Variants in KANK4 observed in about 807,000 individuals in gnomAD.
KANK4 encodes KN motif and ankyrin repeat domain-containing protein 4.
KANK4 carries 50 observed loss-of-function variants against 80.8 expected under a neutral mutation model. The ratio of observed to expected loss-of-function variants is 0.62; its 90% CI spans 0.49 to 0.78. KANK4 has a LOEUF of 0.78. Ranked by LOEUF, KANK4 falls within the 30% of genes least tolerant of loss-of-function variation. The probability of loss-of-function intolerance (pLI) is 0.00; values close to 1 mark genes in which losing one functional copy is unlikely to be tolerated. For missense variants in KANK4, 1,196 were observed against 1,240.1 expected, an observed-to-expected ratio of 0.96 and a Z score of 0.53; for synonymous variants, 465 against 506.9, an observed-to-expected ratio of 0.92 and a Z score of 1.11.
At chr1:62,290,151 T>A (rs1291810593) in intron 1 of KANK4, among the ~76,000 whole-genome samples, 2 of 152,256 alleles carry the variant, frequency 1.3e-5, no homozygotes, top group African/African-American at 4.8e-5. Flanking sequence ...CAATTTTGTA[T>A]TCAAAATTCT....
At chr1:62,264,645 G>A (rs1438440777) in intron 6 of KANK4, among the ~76,000 whole-genome samples, 1 of 152,186 alleles carries the variant, frequency 6.6e-6, no homozygotes, top group Non-Finnish European at 1.5e-5. Flanking sequence ...CATGGGTGTG[G>A]TGCCGGGCTT....
In KANK4 at chr1:62,278,320, T is replaced by TCTTTCTTTCTTTCCTTCCTTCCTTC. The variant is rs1420040026; in HGVS notation, c.16+3228_16+3229insGAAGGAAGGAAGGAAAGAAAGAAAG. Among the ~76,000 whole-genome samples, 3 of 60,530 alleles carry TCTTTCTTTCTTTCCTTCCTTCCTTC rather than the reference T, an allele frequency of 5.0e-5. 1 individual carries two copies. The highest frequency in any genetic ancestry group is 1.7e-4 in the African/African-American group (3 of 18,098). The allele number at this position is 60,530 out of a possible 152,430, so 39.7% of individuals were successfully genotyped here. Reference sequence around the variant, plus strand: ...GGCATTTCCTGGGGCACATTTTCTTTCTTCCTTCCTTCCTTCCTTCCTTCC... The same window carrying TCTTTCTTTCTTTCCTTCCTTCCTTC: ...GGCATTTCCTGGGGCACATTTTCTTTCTTTCTTTCTTTCCTTCCTTCCTTCCTTCCTTCCTTCCTTCCTTCCTTCC... On this transcript the variant is annotated intron_variant, in intron 2 of 9. Transcript: ENST00000371153.
chr1:62,310,247 G>A (rs933962166), intron 1 of KANK4, among the ~76,000 whole-genome samples: 2 of 152,198 alleles, frequency 1.3e-5, no homozygotes, highest in Admixed American at 1.3e-4. Context: ...TCTCTGGTTC[G>A]CTCCTCAGTT....
At chr1:62,268,639 G>C (rs565117916) in intron 4 of KANK4, 134 bp from the exon 5 acceptor site, 4 of 703,748 alleles carry the variant, frequency 5.7e-6, no homozygotes, top group Middle Eastern at 2.9e-4. Context: ...TACACCTGCC[G>C]GCAGGGTGAC....
rs2666489 is a variant in KANK4, at chr1:62,286,444, A to G, written c.-70-4810T>C. On this transcript the variant is annotated intron_variant, in intron 1 of 9. Coordinates refer to ENST00000371153, the MANE Select transcript of KANK4 (RefSeq NM_181712.5). Reference sequence around the variant, plus strand: ...CAGAAACGAATTCACTGCTCAATAAACTAAGACTGGATCTTGCAGAAAGAG... The same window carrying G: ...CAGAAACGAATTCACTGCTCAATAAGCTAAGACTGGATCTTGCAGAAAGAG... Among the ~76,000 whole-genome samples, 1,466 of 152,322 alleles carry G rather than the reference A, an allele frequency of 9.6e-3. 20 individuals are homozygous for G. The highest frequency in any genetic ancestry group is 0.033 in the African/African-American group (1,374 of 41,566).
intron 7 of KANK4, among the ~76,000 whole-genome samples, chr1:62,257,998 A>G (rs928921402): frequency 1.3e-5 from 2 of 152,164 alleles, no homozygotes; most frequent in Non-Finnish European, 2.9e-5. Context: ...TGGATTCTTC[A>G]TGCACATAAT....
intron 1 of KANK4, among the ~76,000 whole-genome samples, chr1:62,314,853 A>G (rs1644527153): frequency 6.6e-6 from 1 of 152,226 alleles, no homozygotes; most frequent in Non-Finnish European, 1.5e-5. Context: ...TGGGCGAGAC[A>G]GTGAAGTGAT....
rs113899815 is a variant in KANK4 at position 62,294,926 on chromosome 1, T to A, written c.-70-13292A>T. ...GAAAGAGATGGGATTCCTTCAGTGT[T>A]CCATCCGGTAATACAAAGGAAGGTT... On this transcript the variant is annotated intron_variant, in intron 1 of 9. Coordinates refer to ENST00000371153, the MANE Select transcript of KANK4 (RefSeq NM_181712.5). Among the ~76,000 whole-genome samples, 56 of 152,352 alleles carry A rather than the reference T, an allele frequency of 3.7e-4. 1 individual carries two copies. The highest frequency in any genetic ancestry group is 1.3e-3 in the African/African-American group (56 of 41,580).
At chr1:62,285,747 T>C (rs1672549158) in intron 1 of KANK4, among the ~76,000 whole-genome samples, 1 of 151,434 alleles carries the variant, frequency 6.6e-6, no homozygotes, top group Admixed American at 6.6e-5. Context: ...TGCCAATCCC[T>C]GCATGATCCC....
intron 9 of KANK4, among the ~76,000 whole-genome samples, chr1:62,243,185 C>T (rs1198812765): frequency 6.6e-6 from 1 of 152,168 alleles, no homozygotes; most frequent in East Asian, 1.9e-4. Context: ...AGGCTTACAG[C>T]CTACCCGAAC....
chr1:62,271,481 C>G lies in KANK4; in HGVS notation c.2009G>C (p.Gly670Ala). The G allele has an allele frequency of 6.2e-7, 1 of 1,607,970 alleles. No homozygotes were observed. Reference sequence around the variant, plus strand: ...GAGCTTCACAAGCGATGCTTACCCACCGTTAACCCCAACAAACTGAAGGTT... The same window carrying G: ...GAGCTTCACAAGCGATGCTTACCCAGCGTTAACCCCAACAAACTGAAGGTT... ...KKNLQFVGVN[G>A]GYETTSSEET... The change falls in exon 4 of 10, where the codon GGT becomes GCT. Residue 670 changes from glycine (G) to alanine (A), a missense_variant. By Grantham distance (60) the Gly-to-Ala change is moderately conservative (BLOSUM62 0). Transcript: ENST00000371153.
chr1:62,256,794 C>A (rs1184471053), intron 7 of KANK4, among the ~76,000 whole-genome samples: 1 of 152,164 alleles, frequency 6.6e-6, no homozygotes. Flanking sequence ...CCCTCAAGCT[C>A]CTTGGACCAC....
At position 62,236,813 on chromosome 1, in the gene KANK4, C is replaced by T. The variant is rs538472847; in HGVS notation, c.*1464G>A. 9.7e-4 allele frequency among the ~76,000 whole-genome samples: 148 copies of T among 152,156 alleles called. No individual in the cohort carries two copies. The highest frequency in any genetic ancestry group is 3.4e-3 in the African/African-American group (143 of 41,510). ...GTTTCTCCATGTATGTCAGGCTGGT[C>T]TCAAACTCCCGACCTCAGGTGATCC... On this transcript the variant is annotated 3_prime_UTR_variant, in exon 10 of 10. Transcript: ENST00000371153.
chr1:62,263,495 G>T (rs1486025115), intron 6 of KANK4, 184 bp from the exon 7 acceptor site: 1 of 601,892 alleles, frequency 1.7e-6, no homozygotes, highest in South Asian at 2.0e-5. Context: ...GTACTTGTGC[G>T]ATCAGCCCCC....
intron 1 of KANK4, among the ~76,000 whole-genome samples, chr1:62,291,244 T>C (rs780624936): frequency 3.9e-5 from 6 of 152,230 alleles, no homozygotes; most frequent in Non-Finnish European, 7.3e-5. Flanking sequence ...TGGAGAAATG[T>C]CCATTCAAGT....
In KANK4 at chr1:62,237,083, A is replaced by G. The variant is rs972025547; in HGVS notation, c.*1194T>C. ...TGAGAGTGCAAGCTTTTGAGTTTCCAATGTAAAGCTCATCAAACTTTGACA... is the reference window on the plus strand; with the variant it reads ...TGAGAGTGCAAGCTTTTGAGTTTCCGATGTAAAGCTCATCAAACTTTGACA... On this transcript the variant is annotated 3_prime_UTR_variant, in exon 10 of 10. Coordinates refer to ENST00000371153, the MANE Select transcript of KANK4 (RefSeq NM_181712.5). The G allele has an allele frequency of 2.8e-4, 43 of 151,740 alleles. No individual in the cohort carries two copies. The highest frequency in any genetic ancestry group is 1.0e-3 in the African/African-American group (42 of 41,276). The allele number at this position is 151,740 out of a possible 1,614,324, so 9.4% of individuals were successfully genotyped here.
chr1:62,261,717 T>C (rs1194245945), intron 7 of KANK4, among the ~76,000 whole-genome samples: 2 of 152,124 alleles, frequency 1.3e-5, no homozygotes, highest in East Asian at 3.9e-4. Context: ...CTTCCATTTC[T>C]CTATGTGGTG....
intron 1 of KANK4, among the ~76,000 whole-genome samples, chr1:62,310,680 TATG>T (rs1373263375): frequency 6.6e-6 from 1 of 152,110 alleles, no homozygotes; most frequent in Non-Finnish European, 1.5e-5. Context: ...AGCCAGGTAC[TATG>T]ATGAGTAGTG....
At chr1:62,316,054 A>G (rs891059436) in intron 1 of KANK4, among the ~76,000 whole-genome samples, 4 of 152,222 alleles carry the variant, frequency 2.6e-5, no homozygotes, top group African/African-American at 9.7e-5. Context: ...TGGTAGCAGC[A>G]AGCAAGAACC....
Sources: allele counts gnomAD v4.1 joint callset (sites outside exome capture counted in the v4.1 genomes callset), GRCh38; gene constraint gnomAD v4.1.1; transcripts MANE v1.5; gene names NCBI Gene and HGNC (gene_info 2026-07-23, HGNC 2026-07-21).